Variants in ARMC2 observed in about 807,000 individuals in gnomAD.
The protein encoded by ARMC2 is armadillo repeat containing 2, also known as armadillo repeat-containing protein 2.
ARMC2 carries 67 observed loss-of-function variants against 90.3 expected under a neutral mutation model. That is an observed-to-expected ratio of 0.74 (90% confidence interval 0.61 to 0.91). The LOEUF (loss-of-function observed/expected upper bound fraction) is 0.91. Among genes scored for constraint, ARMC2 ranks in the 40% least tolerant of loss-of-function variants. The pLI is 0.00. For missense variants in ARMC2, 920 were observed against 1,030.9 expected, an observed-to-expected ratio of 0.89 and a Z score of 1.47; for synonymous variants, 393 against 393.0, an observed-to-expected ratio of 1.00 and a Z score of 0.00.
the ARMC2 span, among the ~76,000 whole-genome samples, chr6:108,989,433 C>A: frequency 7.0e-6 from 1 of 143,368 alleles, no homozygotes; most frequent in African/African-American, 2.6e-5. Context: ...AGATATATAT[C>A]TAGATCTAGA....
At position 108,953,013 on chromosome 6, in the gene ARMC2, C is replaced by CT. The variant is rs1425236379; in HGVS notation, c.1597-19dup. ...TCCAGCCCCCTTTGCACTTTTGACTCTGTCTTTCGTTTATTGCAGGATTTA... is the reference window on the plus strand; with the variant it reads ...TCCAGCCCCCTTTGCACTTTTGACTCTTGTCTTTCGTTTATTGCAGGATTTA... On this transcript the variant is annotated intron_variant, in intron 12 of 17. Transcript: ENST00000392644. 6.3e-7 allele frequency: 1 copy of CT among 1,582,616 alleles called. No individual in the cohort carries two copies. Among genetic ancestry groups the CT allele is most frequent in the African/African-American group, 1.3e-5 (1 of 74,328 alleles).
intron 3 of ARMC2, 67 bp from the exon 4 acceptor site, chr6:108,868,757 G>A: frequency 6.7e-7 from 1 of 1,491,940 alleles, no homozygotes; most frequent in Non-Finnish European, 9.2e-7. Context: ...GTTGTGGCCA[G>A]CTCTGAGGTA....
chr6:108,862,395 G>C (rs1227464128), intron 3 of ARMC2, among the ~76,000 whole-genome samples: 1 of 143,200 alleles, frequency 7.0e-6, no homozygotes, highest in Non-Finnish European at 1.5e-5. Context: ...CAAAGTAAAA[G>C]TAGTCTAAGA....
chr6:108,881,911 C>T (rs1054299907), intron 5 of ARMC2, among the ~76,000 whole-genome samples: 13 of 152,166 alleles, frequency 8.5e-5, no homozygotes, highest in Admixed American at 7.2e-4. Flanking sequence ...CGTTCGCTCT[C>T]TCTATGGATC....
At chr6:108,989,720 G>T in the ARMC2 span, among the ~76,000 whole-genome samples, 1 of 152,062 alleles carries the variant, frequency 6.6e-6, no homozygotes, top group Non-Finnish European at 1.5e-5. Flanking sequence ...AAAAGGCAGG[G>T]GCTGCGAGGA....
At chr6:108,998,726 C>T in the ARMC2 span, 2 of 1,612,890 alleles carry the variant, frequency 1.2e-6, no homozygotes, top group East Asian at 2.2e-5. Flanking sequence ...CCGCAAGGGA[C>T]CAGCTGTGCT....
intron 3 of ARMC2, among the ~76,000 whole-genome samples, chr6:108,867,818 C>A (rs9480889): frequency 3.9e-4 from 59 of 151,032 alleles, no homozygotes; most frequent in Middle Eastern, 3.5e-3. Flanking sequence ...TCCTTTAATC[C>A]TAGCTACTCG....
At chr6:108,996,962 C>T in the ARMC2 span, among the ~76,000 whole-genome samples, 1 of 151,994 alleles carries the variant, frequency 6.6e-6, no homozygotes, top group Non-Finnish European at 1.5e-5. Context: ...CTGTATGATT[C>T]CAACTATATA....
chr6:108,893,891 G>A (rs1037980106), intron 5 of ARMC2, among the ~76,000 whole-genome samples: 9 of 152,220 alleles, frequency 5.9e-5, no homozygotes, highest in Non-Finnish European at 1.2e-4. Context: ...GGTGGCATGT[G>A]CCTGTAATCC....
intron 7 of ARMC2, among the ~76,000 whole-genome samples, chr6:108,903,464 T>C (rs1772362325): frequency 6.6e-6 from 1 of 152,160 alleles, no homozygotes; most frequent in Non-Finnish European, 1.5e-5. Context: ...TTTGTTCTAT[T>C]AGAACCCTCT....
intron 17 of ARMC2, among the ~76,000 whole-genome samples, chr6:108,966,805 C>T (rs1490733078): frequency 2.6e-5 from 4 of 152,152 alleles, no homozygotes; most frequent in Non-Finnish European, 5.9e-5. Flanking sequence ...TTCCTGGCCC[C>T]AGCCCTAGGA....
At chr6:109,018,628 G>A in the ARMC2 span, among the ~76,000 whole-genome samples, 4 of 152,042 alleles carry the variant, frequency 2.6e-5, no homozygotes, top group African/African-American at 9.7e-5. Flanking sequence ...TGTACATTTT[G>A]GTGCTTATTG....
At chr6:108,988,796 T>A in the ARMC2 span, 1 of 836,150 alleles carries the variant, frequency 1.2e-6, no homozygotes, top group Non-Finnish European at 1.7e-6. Context: ...TCTCTTTGTG[T>A]AGGCAGCTGT....
the ARMC2 span, among the ~76,000 whole-genome samples, chr6:109,051,611 C>T: frequency 2.0e-5 from 3 of 152,078 alleles, no homozygotes; most frequent in African/African-American, 7.2e-5. Flanking sequence ...CACTGGTTTT[C>T]TTTTTTTCTG....
rs952756914 is a variant in ARMC2, at chr6:108,974,340, A to G, written c.*826A>G. On this transcript the variant is annotated 3_prime_UTR_variant, in exon 18 of 18. Coordinates refer to ENST00000392644, the MANE Select transcript of ARMC2 (RefSeq NM_032131.6). ...ACTGTAGTGTAGTTTGGAACAAACC[A>G]TTAAATGGGCAAATGGCCCAGTCCA... 7.2e-5 allele frequency: 11 copies of G among 152,246 alleles called. No individual in the cohort carries two copies. The highest frequency in any genetic ancestry group is 2.2e-4 in the African/African-American group (9 of 41,470). 9.4% of individuals were successfully genotyped at this position (152,246 alleles called of 1,614,324 possible). A position where few individuals can be genotyped will look rare whatever the true frequency, so the allele number is the denominator to read the frequency against.
chr6:108,963,118 A>G (rs1194971180), intron 15 of ARMC2, among the ~76,000 whole-genome samples: 2 of 152,228 alleles, frequency 1.3e-5, no homozygotes, highest in Non-Finnish European at 1.5e-5. Context: ...AGAATTGTTT[A>G]TATTTATTAT....
chr6:108,998,351 T>A, the ARMC2 span: 2 of 707,156 alleles, frequency 2.8e-6, no homozygotes, highest in Non-Finnish European at 4.6e-6. Flanking sequence ...GTGATGAGCA[T>A]GTGAGGCAGT....
At chr6:108,968,911 T>G (rs1778563685) in intron 17 of ARMC2, among the ~76,000 whole-genome samples, 1 of 152,152 alleles carries the variant, frequency 6.6e-6, no homozygotes, top group Non-Finnish European at 1.5e-5. Context: ...GAAAGTGGCT[T>G]TAAAAGAACG....
intron 17 of ARMC2, among the ~76,000 whole-genome samples, chr6:108,967,216 T>C (rs1455735194): frequency 6.6e-6 from 1 of 152,230 alleles, no homozygotes; most frequent in Non-Finnish European, 1.5e-5. Flanking sequence ...GGCACTTTCC[T>C]ATGTCACCCA....
Sources: gnomAD v4.1 joint callset for allele counts (sites outside exome capture counted in the v4.1 genomes callset) on GRCh38, gnomAD v4.1.1 for gene constraint, MANE v1.5 for transcripts, NCBI Gene and HGNC (gene_info 2026-07-23, HGNC 2026-07-21) for gene names.